The following RSF1 variants were observed in gnomAD, a reference collection of about 807,000 sequenced individuals.
RSF1 encodes the protein HBV pX-associated protein 8.
Under a neutral mutation model 145.2 loss-of-function variants are expected in RSF1, and 13 were observed. That is an observed-to-expected ratio of 0.09 (90% CI 0.06 to 0.14). RSF1 has a LOEUF of 0.14. Among genes scored for constraint, RSF1 ranks in the 10% least tolerant of loss-of-function variants. The pLI, the probability that RSF1 is intolerant of heterozygous loss-of-function variation, is 1.00. For synonymous variants in RSF1, 577 were observed against 592.6 expected, an observed-to-expected ratio of 0.97 and a Z score of 0.38; for missense variants, 1,517 against 1,718.2, an observed-to-expected ratio of 0.88 and a Z score of 2.07.
intron 1 of RSF1, among the ~76,000 whole-genome samples, chr11:77,806,010 C>G (rs1390888624): frequency 6.6e-6 from 1 of 152,164 alleles, no homozygotes; most frequent in Admixed American, 6.5e-5. Context: ...TTTCTCAGAT[C>G]TAGCCTTTTC....
intron 9 of RSF1, among the ~76,000 whole-genome samples, chr11:77,687,341 T>A (rs528412205): frequency 6.6e-6 from 1 of 152,282 alleles, no homozygotes; most frequent in South Asian, 2.1e-4. Flanking sequence ...ATACACAATC[T>A]GAGAACTTAG....
At chr11:77,680,253 T>C (rs1959822096) in intron 11 of RSF1, among the ~76,000 whole-genome samples, 1 of 150,966 alleles carries the variant, frequency 6.6e-6, no homozygotes, top group Non-Finnish European at 1.5e-5. Flanking sequence ...GGCTATATGG[T>C]GAGACCCTGT....
chr11:77,722,936 T>C (rs767313627), intron 5 of RSF1, among the ~76,000 whole-genome samples: 1 of 152,250 alleles, frequency 6.6e-6, no homozygotes, highest in Non-Finnish European at 1.5e-5. Context: ...AGTGTCAATT[T>C]TGAGGTCTTG....
chr11:77,839,789 G>A, the RSF1 span, among the ~76,000 whole-genome samples: 1 of 152,072 alleles, frequency 6.6e-6, no homozygotes, highest in Non-Finnish European at 1.5e-5. Context: ...TGGACACAGG[G>A]AGGGGAACAA....
intron 2 of RSF1, among the ~76,000 whole-genome samples, chr11:77,747,579 A>G (rs1948015435): frequency 6.6e-6 from 1 of 152,242 alleles, no homozygotes; most frequent in Non-Finnish European, 1.5e-5. Flanking sequence ...ATTTAGGAGT[A>G]AAGTTAAAAT....
chr11:77,799,913 T>G (rs1404442290), intron 1 of RSF1, among the ~76,000 whole-genome samples: 2 of 152,114 alleles, frequency 1.3e-5, no homozygotes, highest in Non-Finnish European at 2.9e-5. Context: ...TGGATGAAAT[T>G]ATCAACTTCA....
chr11:77,847,014 G>C, the RSF1 span, among the ~76,000 whole-genome samples: 2 of 152,034 alleles, frequency 1.3e-5, no homozygotes, highest in Non-Finnish European at 2.9e-5. Context: ...GTGTAAATTT[G>C]AGCCCCAAAC....
At chr11:77,865,494 A>G in the RSF1 span, among the ~76,000 whole-genome samples, 2 of 152,384 alleles carry the variant, frequency 1.3e-5, no homozygotes, top group East Asian at 3.9e-4. Context: ...CCAAACCTAT[A>G]TATGAAATCA....
intron 7 of RSF1, among the ~76,000 whole-genome samples, chr11:77,695,955 T>C (rs1322445066): frequency 6.6e-6 from 1 of 152,194 alleles, no homozygotes; most frequent in East Asian, 1.9e-4. Context: ...CTAGTATAGA[T>C]GAAGTTTCTG....
chr11:77,752,786 G>T (rs907109121), intron 2 of RSF1, among the ~76,000 whole-genome samples: 5 of 152,068 alleles, frequency 3.3e-5, no homozygotes, highest in African/African-American at 1.2e-4. Flanking sequence ...ATTCCCAGGA[G>T]GTTAAAGCAT....
chr11:77,716,410 T>A (rs1960810457), intron 5 of RSF1, among the ~76,000 whole-genome samples: 2 of 152,148 alleles, frequency 1.3e-5, no homozygotes. Flanking sequence ...GAAAATATGA[T>A]CTATATACAT....
At chr11:77,801,012 C>CT (rs1948620677) in intron 1 of RSF1, among the ~76,000 whole-genome samples, 2 of 146,744 alleles carry the variant, frequency 1.4e-5, no homozygotes, top group East Asian at 3.9e-4. Context: ...CTCTCTCTCT[C>CT]AAAAAAAAAA....
At position 77,675,148 on chromosome 11, in the gene RSF1, T is replaced by G; in HGVS notation, c.3450A>C (p.Arg1150=). Residue 1150 remains arginine (R), a synonymous_variant, in exon 14 of 16, where the codon CGA becomes CGC. Coordinates refer to ENST00000308488, the MANE Select transcript of RSF1 (RefSeq NM_016578.4). ...TCTGCCTCATTGGCCGAGAGGGGTG[T>G]CGCCTCAGTCTACGGCTACAAAAGT... ...DTDFCSRRLR[R]HPSRPMRQSR... The G allele has an allele frequency of 6.2e-7, 1 of 1,614,196 alleles. No homozygotes were observed. The highest frequency in any genetic ancestry group is 8.5e-7 in the Non-Finnish European group (1 of 1,180,034).
At chr11:77,748,499 A>T (rs1047354078) in intron 2 of RSF1, among the ~76,000 whole-genome samples, 1 of 152,042 alleles carries the variant, frequency 6.6e-6, no homozygotes, top group Non-Finnish European at 1.5e-5. Context: ...AGAATATATT[A>T]CTTCCTCTGG....
intron 2 of RSF1, 98 bp downstream of exon 2, chr11:77,764,499 TA>T (rs746948904): frequency 2.8e-6 from 2 of 719,750 alleles, no homozygotes; most frequent in South Asian, 3.4e-5. Context: ...TTACTTTTAG[TA>T]AACTAATTAA....
intron 1 of RSF1, among the ~76,000 whole-genome samples, chr11:77,816,578 G>A (rs1948783991): frequency 6.6e-6 from 1 of 152,178 alleles, no homozygotes. Flanking sequence ...CACATTATCT[G>A]TATTTACCTT....
chr11:77,740,857 A>G lies in RSF1; in HGVS notation c.452T>C (p.Leu151Pro). 1.2e-6 allele frequency: 2 copies of G among 1,614,180 alleles called. No homozygotes were observed. Among genetic ancestry groups the G allele is most frequent in the Non-Finnish European group, 1.7e-6 (2 of 1,179,996 alleles). ...INEEDADTMRLQPIGRDKDGL... is the reference protein window; with the variant it reads ...INEEDADTMRPQPIGRDKDGL... ...ATCTTTGTCTCGACCAATTGGCTGG[A>G]GACGCATAGTATCGGCATCCTCCTC... The change falls in exon 4 of 16, where the codon CTC becomes CCC. Residue 151 changes from leucine (L) to proline (P), a missense_variant. Coordinates refer to ENST00000308488, the MANE Select transcript of RSF1 (RefSeq NM_016578.4).
chr11:77,749,001 T>C (rs898435459), intron 2 of RSF1, among the ~76,000 whole-genome samples: 2 of 152,136 alleles, frequency 1.3e-5, no homozygotes, highest in East Asian at 1.9e-4. Context: ...GGTAATAATA[T>C]ACTATAGCAT....
At chr11:77,686,327 G>C (rs183539178) in intron 9 of RSF1, among the ~76,000 whole-genome samples, 2 of 147,414 alleles carry the variant, frequency 1.4e-5, no homozygotes, top group African/African-American at 2.5e-5. Flanking sequence ...AAGATTACTT[G>C]AACTCAGGAG....
Sources: allele counts gnomAD v4.1 joint callset (sites outside exome capture counted in the v4.1 genomes callset), GRCh38; gene constraint gnomAD v4.1.1; transcripts MANE v1.5; gene names NCBI Gene and HGNC (gene_info 2026-07-23, HGNC 2026-07-21).